Variants in KCNIP4 observed in about 807,000 individuals in gnomAD.
KCNIP4 encodes Kv channel-interacting protein 4.
In KCNIP4, 12 loss-of-function variants were observed where a neutral mutation model predicts 34.0. That is an observed-to-expected ratio of 0.35 (90% CI 0.23 to 0.57). The LOEUF (loss-of-function observed/expected upper bound fraction) is 0.57, where lower values mean the gene tolerates loss of function less well. Among genes scored for constraint, KCNIP4 ranks in the 20% least tolerant of loss-of-function variants. The pLI, the probability that KCNIP4 is intolerant of heterozygous loss-of-function variation, is 0.83. For synonymous variants in KCNIP4, 124 were observed against 102.2 expected, an observed-to-expected ratio of 1.21 and a Z score of -1.29; for missense variants, 238 against 311.7, an observed-to-expected ratio of 0.76 and a Z score of 1.78.
At chr4:21,714,859 AT>A (rs1227814455) in intron 1 of KCNIP4, among the ~76,000 whole-genome samples, 1 of 308 alleles carries the variant, frequency 3.2e-3, no homozygotes, top group Non-Finnish European at 4.5e-3. Flanking sequence ...ATTTTATTTT[AT>A]TTTATTTTAT....
At chr4:21,269,882 T>A (rs1225484645) in intron 1 of KCNIP4, among the ~76,000 whole-genome samples, 1 of 152,146 alleles carries the variant, frequency 6.6e-6, no homozygotes, top group Non-Finnish European at 1.5e-5. Flanking sequence ...ATTACCTGTA[T>A]GATTTTAAGA....
intron 1 of KCNIP4, among the ~76,000 whole-genome samples, chr4:21,930,109 G>A (rs1424131520): frequency 6.6e-6 from 1 of 152,064 alleles, no homozygotes; most frequent in Non-Finnish European, 1.5e-5. Context: ...CTTCAACTGT[G>A]AGCTGGCTAT....
In KCNIP4 at chr4:21,240,981, AGAACCAAATTAGGCCAAAATAAG is replaced by A. The variant is rs1759769581; in HGVS notation, c.62-358295_62-358273del. Among the ~76,000 whole-genome samples, 2 of 152,224 alleles carry A rather than the reference AGAACCAAATTAGGCCAAAATAAG, an allele frequency of 1.3e-5. 1 individual carries two copies. Among genetic ancestry groups the A allele is most frequent in the Admixed American group, 1.3e-4 (2 of 15,282 alleles). On this transcript the variant is annotated intron_variant, in intron 1 of 8. Transcript: ENST00000382152. ...TTATAACACAAAAAAGTGCAAAATA[AGAACCAAATTAGGCCAAAATAAG>A]GAACTAGTTAGATAAATTAATATAT...
At chr4:21,873,770 T>C (rs1353177947) in intron 1 of KCNIP4, among the ~76,000 whole-genome samples, 3 of 152,176 alleles carry the variant, frequency 2.0e-5, no homozygotes, top group Non-Finnish European at 2.9e-5. Flanking sequence ...AACAGATCAA[T>C]AGGAAGTTTC....
chr4:21,865,751 C>T (rs1457274528), intron 1 of KCNIP4, among the ~76,000 whole-genome samples: 2 of 151,804 alleles, frequency 1.3e-5, no homozygotes, highest in Non-Finnish European at 2.9e-5. Flanking sequence ...CCATGTTGGC[C>T]AGGCTGGTCT....
At chr4:21,018,366 G>A (rs529585803) in intron 1 of KCNIP4, among the ~76,000 whole-genome samples, 8 of 152,248 alleles carry the variant, frequency 5.3e-5, no homozygotes, top group African/African-American at 9.6e-5. Flanking sequence ...TATAAAATTG[G>A]AAGGTGAGAT....
intron 1 of KCNIP4, among the ~76,000 whole-genome samples, chr4:21,344,535 A>G (rs143516610): frequency 6.6e-6 from 1 of 152,292 alleles, no homozygotes; most frequent in Non-Finnish European, 1.5e-5. Flanking sequence ...AGCAGCCACC[A>G]ATCCAAAGAA....
rs1427794843 is a variant in KCNIP4 at position 20,772,531 on chromosome 4, A to G, written c.289-13641T>C. ...GTGAGGGGTTGGAGGATAGGACCTC[A>G]AGTTGTCTGGTCATCTGCTTTGGTG... On this transcript the variant is annotated intron_variant, in intron 3 of 8. Coordinates refer to ENST00000382152, the MANE Select transcript of KCNIP4 (RefSeq NM_025221.6). 2.0e-5 allele frequency among the ~76,000 whole-genome samples: 3 copies of G among 152,286 alleles called. No individual in the cohort carries two copies. The East Asian group carries it at 5.8e-4, about 29-fold the overall frequency.
At chr4:21,341,516 C>T (rs1033452103) in intron 1 of KCNIP4, among the ~76,000 whole-genome samples, 7 of 152,022 alleles carry the variant, frequency 4.6e-5, no homozygotes, top group African/African-American at 1.4e-4. Flanking sequence ...AAGAGAAATG[C>T]TAATCAAGTT....
chr4:21,326,483 T>C (rs1042971203), intron 1 of KCNIP4, among the ~76,000 whole-genome samples: 3 of 151,606 alleles, frequency 2.0e-5, no homozygotes, highest in African/African-American at 7.3e-5. Context: ...TTTCAGTCTA[T>C]ATGTATCTTT....
chr4:21,571,803 C>T (rs1042397487), intron 1 of KCNIP4, among the ~76,000 whole-genome samples: 1 of 152,082 alleles, frequency 6.6e-6, no homozygotes, highest in South Asian at 2.1e-4. Context: ...AGTGTCCACA[C>T]AAATGCAAAA....
intron 1 of KCNIP4, among the ~76,000 whole-genome samples, chr4:21,925,191 G>T (rs929796114): frequency 6.6e-6 from 1 of 151,504 alleles, no homozygotes; most frequent in Non-Finnish European, 1.5e-5. Context: ...CCATTAACTC[G>T]TCATTTACAT....
At chr4:21,930,017 T>A (rs755287304) in intron 1 of KCNIP4, among the ~76,000 whole-genome samples, 6 of 152,114 alleles carry the variant, frequency 3.9e-5, no homozygotes, top group Non-Finnish European at 8.8e-5. Context: ...CTAAGTGACC[T>A]CTTCTGTTCG....
chr4:21,760,796 T>A (rs1717997759), intron 1 of KCNIP4, among the ~76,000 whole-genome samples: 1 of 152,136 alleles, frequency 6.6e-6, no homozygotes, highest in Non-Finnish European at 1.5e-5. Context: ...CACAGAATGG[T>A]CATGGATGCC....
intron 1 of KCNIP4, among the ~76,000 whole-genome samples, chr4:20,949,787 A>T (rs911591925): frequency 6.1e-5 from 9 of 147,090 alleles, no homozygotes; most frequent in Non-Finnish European, 1.0e-4. Context: ...ATATCCTCAC[A>T]CATAGGTGGG....
intron 1 of KCNIP4, among the ~76,000 whole-genome samples, chr4:21,202,803 T>A (rs1756582481): frequency 6.6e-6 from 1 of 152,198 alleles, no homozygotes; most frequent in African/African-American, 2.4e-5. Context: ...GTAGGTATCC[T>A]GCTGGCTGTG....
At chr4:21,642,670 C>T (rs975733582) in intron 1 of KCNIP4, among the ~76,000 whole-genome samples, 1 of 151,946 alleles carries the variant, frequency 6.6e-6, no homozygotes, top group Admixed American at 6.6e-5. Flanking sequence ...AGGAATGCTT[C>T]TAGCAGAAGA....
intron 1 of KCNIP4, among the ~76,000 whole-genome samples, chr4:21,926,728 T>TA (rs1187658886): frequency 1.3e-5 from 2 of 152,160 alleles, no homozygotes; most frequent in Non-Finnish European, 2.9e-5. Flanking sequence ...TACTACCTCT[T>TA]AGACTACCTC....
At chr4:21,450,254 T>C (rs960499016) in intron 1 of KCNIP4, among the ~76,000 whole-genome samples, 4 of 152,172 alleles carry the variant, frequency 2.6e-5, no homozygotes, top group African/African-American at 9.7e-5. Context: ...TTCTCAAACT[T>C]ACTTCTGACT....
Sources: allele counts gnomAD v4.1 joint callset (sites outside exome capture counted in the v4.1 genomes callset), GRCh38; gene constraint gnomAD v4.1.1; transcripts MANE v1.5; gene names NCBI Gene and HGNC (gene_info 2026-07-23, HGNC 2026-07-21).